MMS19: variants seen among roughly 807,000 people sequenced by gnomAD.
MMS19 encodes MMS19 cytosolic iron-sulfur assembly component, also known as MMS19 nucleotide excision repair protein homolog.
Under a neutral mutation model 129.8 loss-of-function variants are expected in MMS19, and 77 were observed. The ratio of observed to expected loss-of-function variants is 0.59; its 90% confidence interval spans 0.49 to 0.72. The LOEUF is 0.72. MMS19 is among the 30% of genes least tolerant of loss of function. The pLI, the probability that MMS19 is intolerant of heterozygous loss-of-function variation, is 0.00. For missense variants in MMS19, 1,168 were observed against 1,266.3 expected (o/e 0.92, Z 1.18); for synonymous variants, 491 against 502.8 (o/e 0.98, Z 0.31).
chr10:97,476,722 A>C lies in MMS19; in HGVS notation c.645T>G (p.Phe215Leu). 1 of 1,613,972 alleles carries C rather than the reference A, an allele frequency of 6.2e-7. No individual in the cohort carries two copies. The change falls in exon 8 of 31, where the codon TTT (phenylalanine) becomes TTG (leucine). Residue 215 changes from phenylalanine to leucine, a missense_variant. By Grantham distance (22) the Phe-to-Leu change is conservative. Coordinates refer to ENST00000438925, the MANE Select transcript of MMS19 (RefSeq NM_022362.5). ...YSLGPFVEEL[F>L]EVTSCYFPID... ...TAGGGAAATAACAGGATGTCACTTC[A>C]AACAACTCCTCCACAAAGGGTCCTG...
chr10:97,494,449 G>A (rs1311531532), intron 1 of MMS19, among the ~76,000 whole-genome samples: 3 of 152,196 alleles, frequency 2.0e-5, no homozygotes, highest in Admixed American at 6.5e-5. Flanking sequence ...AGGAGCAGGA[G>A]AGAGAAAAAT....
chr10:97,470,914 A>G, intron 8 of MMS19, 53 bp from the exon 9 acceptor site: 1 of 1,500,080 alleles, frequency 6.7e-7, no homozygotes, highest in Non-Finnish European at 9.2e-7. Context: ...ACCACCTTGA[A>G]CACAGGCTCG....
rs1034526197 is a variant in MMS19 at position 97,498,367 on chromosome 10, A to T, written c.18T>A (p.Ala6=). Residue 6 remains alanine (A), a synonymous_variant, in exon 1 of 31, where the codon GCT becomes GCA. Coordinates refer to ENST00000438925, the MANE Select transcript of MMS19 (RefSeq NM_022362.5). The part of the protein sequence containing the change: MAAAA[A]VEAAAPMGAL... Reference sequence around the variant, plus strand: ...CACCCATAGGCGCCGCCGCCTCCACAGCCGCGGCAGCGGCCATAACGCGAA... The same window carrying T: ...CACCCATAGGCGCCGCCGCCTCCACTGCCGCGGCAGCGGCCATAACGCGAA... 2 of 1,576,058 alleles carry T rather than the reference A, an allele frequency of 1.3e-6. No homozygotes were observed. Among genetic ancestry groups the T allele is most frequent in the African/African-American group, 2.7e-5 (2 of 74,290 alleles).
rs201359735 is a variant in MMS19 at position 97,469,657 on chromosome 10, T to C, written c.913A>G (p.Ile305Val). 9.3e-6 allele frequency: 15 copies of C among 1,613,808 alleles called. No individual in the cohort carries two copies. The Admixed American group carries it at 1.0e-4, about 11-fold the overall frequency. The change falls in exon 11 of 31, where the codon ATC becomes GTC. Residue 305 changes from isoleucine to valine, a missense_variant. This residue lies in a region of MMS19 where 831 missense variants were observed against 910.8 expected (regional missense o/e 0.91). Coordinates refer to ENST00000438925, the MANE Select transcript of MMS19 (RefSeq NM_022362.5). ...KDFLPSLWAS[I>V]RREVFQTASE... ...TGAGTGACACTCACCTCTCTGCGGA[T>C]AGAAGCCCAAAGGCTGGGGAGGAAG...
At chr10:97,493,066 A>G (rs1384441673) in intron 1 of MMS19, among the ~76,000 whole-genome samples, 1 of 151,866 alleles carries the variant, frequency 6.6e-6, no homozygotes, top group Non-Finnish European at 1.5e-5. Context: ...GCTGGAGTGC[A>G]GTGGTGCCAT....
At chr10:97,471,652 A>G (rs946619166) in intron 8 of MMS19, among the ~76,000 whole-genome samples, 1 of 152,076 alleles carries the variant, frequency 6.6e-6, no homozygotes, top group African/African-American at 2.4e-5. Flanking sequence ...CTGGGGTTAC[A>G]GGCGCACCAA....
At chr10:97,466,989 G>C in intron 14 of MMS19, 88 bp from the exon 15 acceptor site, 1 of 1,516,534 alleles carries the variant, frequency 6.6e-7, no homozygotes. Flanking sequence ...ACCTGGGGTA[G>C]ATTTTTTTTT....
chr10:97,486,977 T>C (rs1478906229), intron 1 of MMS19, among the ~76,000 whole-genome samples: 1 of 149,240 alleles, frequency 6.7e-6, no homozygotes, highest in African/African-American at 2.5e-5. Flanking sequence ...GAGATTATTA[T>C]ATGGTCACAT....
At chr10:97,478,208 C>A in intron 4 of MMS19, 96 bp downstream of exon 4, 2 of 968,408 alleles carry the variant, frequency 2.1e-6, no homozygotes, top group African/African-American at 1.6e-5. Context: ...GGCACCTGCT[C>A]CTCAGCATGT....
intron 8 of MMS19, among the ~76,000 whole-genome samples, chr10:97,475,127 A>G (rs1589678389): frequency 6.6e-6 from 1 of 152,378 alleles, no homozygotes; most frequent in East Asian, 1.9e-4. Context: ...ATGCAGCCAT[A>G]AAGAATGAAA....
rs371819197 is a variant in MMS19, at chr10:97,466,628, C to T, written c.1424-43G>A. The T allele has an allele frequency of 3.2e-6, 5 of 1,578,606 alleles. No individual in the cohort carries two copies. The East Asian group carries it at 1.1e-4, about 35-fold the overall frequency. ...CATGAATCTCATCTTTCTTCCCCTG[C>T]AGCCATCACAACCCTTCTAAGCTCT... On this transcript the variant is annotated intron_variant, in intron 15 of 30. Coordinates refer to ENST00000438925, the MANE Select transcript of MMS19 (RefSeq NM_022362.5).
chr10:97,465,974 C>CAA lies in MMS19; in HGVS notation c.1607-22_1607-21dup. ...ACTCCCCTGAAAGCAACCCATGAGA[C>CAA]AAAGGTTTACTGTGTGATAGGAAGC... On this transcript the variant is annotated intron_variant, in intron 17 of 30. Coordinates refer to ENST00000438925, the MANE Select transcript of MMS19 (RefSeq NM_022362.5). The CAA allele has an allele frequency of 6.2e-7, 1 of 1,613,354 alleles. No individual in the cohort carries two copies. Among genetic ancestry groups the CAA allele is most frequent in the Non-Finnish European group, 8.5e-7 (1 of 1,179,532 alleles).
chr10:97,481,080 C>G (rs2036709266), intron 2 of MMS19, 38 bp from the exon 3 acceptor site: 1 of 1,225,950 alleles, frequency 8.2e-7, no homozygotes, highest in African/African-American at 1.5e-5. Context: ...TGCAATTACC[C>G]AGTTCAAATG....
At chr10:97,495,042 G>GT (rs2039538849) in intron 1 of MMS19, among the ~76,000 whole-genome samples, 1 of 152,210 alleles carries the variant, frequency 6.6e-6, no homozygotes, top group South Asian at 2.1e-4. Context: ...AGATTCTGAC[G>GT]TATGAGATGC....
intron 1 of MMS19, among the ~76,000 whole-genome samples, chr10:97,493,391 A>C (rs1021297104): frequency 1.3e-5 from 2 of 152,148 alleles, no homozygotes; most frequent in African/African-American, 4.8e-5. Context: ...ACCTTGGGCA[A>C]CAAAACAAGG....
intron 8 of MMS19, among the ~76,000 whole-genome samples, chr10:97,474,980 C>T (rs2035472304): frequency 2.0e-5 from 3 of 152,116 alleles, no homozygotes; most frequent in Admixed American, 1.3e-4. Context: ...TTTGACCTAG[C>T]GATTTCTTTT....
chr10:97,468,846 T>C, intron 12 of MMS19, 120 bp downstream of exon 12: 1 of 1,056,218 alleles, frequency 9.5e-7, no homozygotes, highest in Non-Finnish European at 1.3e-6. Context: ...TGACCTCAGG[T>C]GATCCACCCG....
Position 97,476,965 on chromosome 10 carries a change from TG to T in MMS19, c.494-3del, listed in dbSNP as rs2035889780. 1.2e-6 allele frequency: 2 copies of T among 1,613,684 alleles called. No homozygotes were observed. Among genetic ancestry groups the T allele is most frequent in the Non-Finnish European group, 1.7e-6 (2 of 1,179,748 alleles). On this transcript the variant is annotated splice_polypyrimidine_tract_variant and splice_region_variant and intron_variant, in intron 6 of 30. Transcript: ENST00000438925. ...AGTCAGCTCCTAGGCTCTTTAGCTC[TG>T]GGAAGGAGAGAATAAGGTTACTATA... is the stretch of plus-strand genomic sequence containing the variant.
At chr10:97,475,723 C>T (rs1045420854) in intron 8 of MMS19, among the ~76,000 whole-genome samples, 1 of 151,992 alleles carries the variant, frequency 6.6e-6, no homozygotes, top group Non-Finnish European at 1.5e-5. Context: ...GGAGACAGAG[C>T]GAGACTCCAT....
Sources: allele counts gnomAD v4.1 joint callset (sites outside exome capture counted in the v4.1 genomes callset), GRCh38; gene constraint gnomAD v4.1.1; regional missense constraint gnomAD v4.1.1; transcripts MANE v1.5; gene names NCBI Gene and HGNC (gene_info 2026-07-23, HGNC 2026-07-21).